Variants in MACROD2 observed in about 807,000 individuals in gnomAD.
The protein encoded by MACROD2 is mono-ADP ribosylhydrolase 2.
A neutral mutation model predicts 70.4 loss-of-function variants in MACROD2; 36 were observed. The ratio of observed to expected loss-of-function variants is 0.51; its 90% CI spans 0.39 to 0.68. The LOEUF is 0.68. Among genes scored for constraint, MACROD2 ranks in the 30% least tolerant of loss-of-function variants. MACROD2 has a pLI of 0.00. For synonymous variants in MACROD2, 172 were observed against 178.8 expected (o/e 0.96, Z 0.30); for missense variants, 496 against 538.4 (o/e 0.92, Z 0.78).
At chr20:15,875,040 C>T (rs1406428855) in intron 9 of MACROD2, among the ~76,000 whole-genome samples, 1 of 152,060 alleles carries the variant, frequency 6.6e-6, no homozygotes, top group Non-Finnish European at 1.5e-5. Flanking sequence ...GGAAGAGGGC[C>T]TTGAGCTAAG....
At chr20:14,364,050 T>C (rs2083250291) in intron 3 of MACROD2, among the ~76,000 whole-genome samples, 1 of 151,982 alleles carries the variant, frequency 6.6e-6, no homozygotes, top group South Asian at 2.1e-4. Context: ...GTATTAGTGT[T>C]TTTTAAAAGC....
In MACROD2 at chr20:15,842,443, C is replaced by T. The variant is rs114550895; in HGVS notation, c.646-20302C>T. ...CCCAGAACCAATGAGCCAAAAATCCCGAGACCTTTCATCCTTTTTTTCATC... is the reference window on the plus strand; with the variant it reads ...CCCAGAACCAATGAGCCAAAAATCCTGAGACCTTTCATCCTTTTTTTCATC... On this transcript the variant is annotated intron_variant, in intron 8 of 17. Transcript: ENST00000684519. Among the ~76,000 whole-genome samples, 210 of 148,970 alleles carry T rather than the reference C, an allele frequency of 1.4e-3. 1 individual carries two copies. Among genetic ancestry groups the T allele is most frequent in the African/African-American group, 5.0e-3 (203 of 40,398 alleles).
intron 6 of MACROD2, among the ~76,000 whole-genome samples, chr20:15,416,678 T>C (rs577923831): frequency 1.3e-5 from 2 of 151,674 alleles, no homozygotes; most frequent in African/African-American, 4.8e-5. Flanking sequence ...GCCGAGGCAG[T>C]CGGATCACGA....
At chr20:15,464,456 A>G (rs2046859256) in intron 7 of MACROD2, among the ~76,000 whole-genome samples, 1 of 152,240 alleles carries the variant, frequency 6.6e-6, no homozygotes, top group African/African-American at 2.4e-5. Context: ...GTTTATAGAC[A>G]TGCATTTCCC....
chr20:15,847,006 T>C (rs543796669), intron 8 of MACROD2, among the ~76,000 whole-genome samples: 85 of 138,972 alleles, frequency 6.1e-4, no homozygotes, highest in Non-Finnish European at 9.7e-4. Flanking sequence ...AGGTACATTT[T>C]AAATAATTTG....
intron 10 of MACROD2, among the ~76,000 whole-genome samples, chr20:15,916,267 G>A (rs188065487): frequency 4.6e-5 from 7 of 152,294 alleles, no homozygotes; most frequent in Admixed American, 3.9e-4. Context: ...TGCCATGGGG[G>A]CTCTCTATAG....
intron 17 of MACROD2, among the ~76,000 whole-genome samples, chr20:16,047,426 A>G (rs2067397880): frequency 6.6e-6 from 1 of 152,192 alleles, no homozygotes; most frequent in African/African-American, 2.4e-5. Context: ...TTTTCCAACA[A>G]GTATTTGAGG....
chr20:14,739,042 G>A (rs2071702081), intron 5 of MACROD2, among the ~76,000 whole-genome samples: 1 of 151,920 alleles, frequency 6.6e-6, no homozygotes, highest in Non-Finnish European at 1.5e-5. Flanking sequence ...CAATTCCATA[G>A]AGGAATGATG....
intron 8 of MACROD2, among the ~76,000 whole-genome samples, chr20:15,751,362 A>T (rs2051266624): frequency 6.6e-6 from 1 of 152,084 alleles, no homozygotes; most frequent in Non-Finnish European, 1.5e-5. Flanking sequence ...TTATTACTTT[A>T]TCATAACATG....
At chr20:15,452,044 C>CT (rs1383323603) in intron 7 of MACROD2, among the ~76,000 whole-genome samples, 1 of 152,150 alleles carries the variant, frequency 6.6e-6, no homozygotes, top group African/African-American at 2.4e-5. Context: ...AACGGAGTGT[C>CT]TGTCTGTGCG....
chr20:14,310,693 G>A (rs573373610), intron 3 of MACROD2, among the ~76,000 whole-genome samples: 1 of 152,160 alleles, frequency 6.6e-6, no homozygotes, highest in East Asian at 1.9e-4. Context: ...CCAGAAGAAG[G>A]CATTGTTGTC....
chr20:14,226,289 A>C (rs2081732505), intron 3 of MACROD2, among the ~76,000 whole-genome samples: 1 of 152,152 alleles, frequency 6.6e-6, no homozygotes, highest in South Asian at 2.1e-4. Context: ...GTTTGTATAC[A>C]TAGGATTTTC....
At chr20:14,387,904 G>T (rs1219799800) in intron 3 of MACROD2, among the ~76,000 whole-genome samples, 1 of 152,034 alleles carries the variant, frequency 6.6e-6, no homozygotes, top group African/African-American at 2.4e-5. Flanking sequence ...AATTCTTGGA[G>T]CTTCCTATTC....
chr20:15,055,500 G>A (rs943543135), intron 5 of MACROD2, among the ~76,000 whole-genome samples: 2 of 152,118 alleles, frequency 1.3e-5, no homozygotes, highest in African/African-American at 4.8e-5. Flanking sequence ...CTGAACAGAT[G>A]TATTTTCTCC....
intron 5 of MACROD2, among the ~76,000 whole-genome samples, chr20:14,805,351 G>T (rs568775588): frequency 6.6e-6 from 1 of 152,136 alleles, no homozygotes; most frequent in African/African-American, 2.4e-5. Context: ...CTCTGGCAAT[G>T]ATTTGGCTGT....
At chr20:15,846,911 T>TATATA (rs1491315029) in intron 8 of MACROD2, among the ~76,000 whole-genome samples, 8 of 138,094 alleles carry the variant, frequency 5.8e-5, no homozygotes, top group African/African-American at 2.2e-4. Context: ...AAAAAAAAAA[T>TATATA]TATATATATA....
chr20:15,717,554 C>T (rs2050723928), intron 8 of MACROD2, among the ~76,000 whole-genome samples: 1 of 152,158 alleles, frequency 6.6e-6, no homozygotes, highest in African/African-American at 2.4e-5. Context: ...TTGCCACTAC[C>T]TGTGGATCAA....
At chr20:14,895,526 T>C (rs1220247121) in intron 5 of MACROD2, 4 of 152,088 alleles carry the variant, frequency 2.6e-5, no homozygotes. Context: ...TAGATGGCTT[T>C]TGCGGATCAG....
At chr20:14,191,580 G>C (rs76164513) in intron 3 of MACROD2, among the ~76,000 whole-genome samples, 1,936 of 152,292 alleles carry the variant, frequency 0.013, 14 homozygotes, top group South Asian at 0.036. Flanking sequence ...AATAGAGAAG[G>C]GTAGAGGAGA....
Sources: gnomAD v4.1 joint callset for allele counts (sites outside exome capture counted in the v4.1 genomes callset) on GRCh38, gnomAD v4.1.1 for gene constraint, MANE v1.5 for transcripts, NCBI Gene and HGNC (gene_info 2026-07-23, HGNC 2026-07-21) for gene names.